Variants in ATP2B2 observed in about 807,000 individuals in gnomAD.
ATP2B2 encodes the protein plasma membrane calcium-transporting ATPase 2.
ATP2B2 carries 15 observed loss-of-function variants against 120.0 expected under a neutral mutation model. That is an observed-to-expected ratio of 0.12 (90% CI 0.08 to 0.19). The LOEUF (loss-of-function observed/expected upper bound fraction) is 0.19. Ranked by LOEUF, ATP2B2 falls within the 10% of genes least tolerant of loss-of-function variation. The pLI is 1.00. For missense variants in ATP2B2, 1,045 were observed against 1,719.8 expected, an observed-to-expected ratio of 0.61 and a Z score of 6.94; for synonymous variants, 694 against 700.3, an observed-to-expected ratio of 0.99 and a Z score of 0.14.
intron 11 of ATP2B2, among the ~76,000 whole-genome samples, chr3:10,373,515 G>T (rs186364769): frequency 6.6e-6 from 1 of 152,202 alleles, no homozygotes; most frequent in Non-Finnish European, 1.5e-5. Context: ...GAAATGTGCT[G>T]TGAGTGCAAA....
intron 1 of ATP2B2, among the ~76,000 whole-genome samples, chr3:10,686,420 C>A (rs562674266): frequency 2.6e-5 from 4 of 152,024 alleles, no homozygotes; most frequent in Admixed American, 2.6e-4. Flanking sequence ...TTTGGGAGGC[C>A]GAGGCGGGCG....
At chr3:10,385,457 A>G in intron 7 of ATP2B2, 130 bp from the exon 8 acceptor site, 1 of 779,048 alleles carries the variant, frequency 1.3e-6, no homozygotes, top group Non-Finnish European at 2.1e-6. Flanking sequence ...TCCTTTGGAA[A>G]CCAAGAAACT....
At chr3:10,701,880 T>C (rs1380538523) in intron 1 of ATP2B2, among the ~76,000 whole-genome samples, 1 of 152,186 alleles carries the variant, frequency 6.6e-6, no homozygotes, top group East Asian at 1.9e-4. Context: ...ATACAAATTT[T>C]TTTTTTTGAA....
chr3:10,584,979 G>A (rs34773026), intron 2 of ATP2B2, among the ~76,000 whole-genome samples: 36,007 of 152,026 alleles, frequency 0.24, 5,010 homozygotes, highest in East Asian at 0.49. Context: ...TCTTGCTGGT[G>A]CTGTCTCCAA....
chr3:10,606,569 G>C (rs777842967), intron 2 of ATP2B2, among the ~76,000 whole-genome samples: 1 of 152,170 alleles, frequency 6.6e-6, no homozygotes, highest in Non-Finnish European at 1.5e-5. Flanking sequence ...CCCTTACTTA[G>C]TTAACTCTGG....
In ATP2B2 at chr3:10,358,935, G is replaced by T. The variant is rs1240502887; in HGVS notation, c.1902-10C>A. The stretch of plus-strand genomic sequence containing the variant: ...GAGGATTTTGCAGCACCTAGGGGAG[G>T]ATGGAAGGGAGATGGGGAGCCCAGG... On this transcript the variant is annotated splice_polypyrimidine_tract_variant and intron_variant, in intron 13 of 22. Coordinates refer to ENST00000360273, the MANE Select transcript of ATP2B2 (RefSeq NM_001001331.4). The T allele has an allele frequency of 6.2e-7, 1 of 1,612,682 alleles. No homozygotes were observed. Among genetic ancestry groups the T allele is most frequent in the Admixed American group, 1.7e-5 (1 of 60,022 alleles).
intron 1 of ATP2B2, among the ~76,000 whole-genome samples, chr3:10,690,432 A>ATATCTATC (rs58646066): frequency 0.033 from 4,892 of 148,870 alleles, 68 homozygotes; most frequent in East Asian, 0.035. Flanking sequence ...ATCTATATCT[A>ATATCTATC]TATCTATCTA....
intron 21 of ATP2B2, among the ~76,000 whole-genome samples, chr3:10,339,522 C>G (rs2060217354): frequency 6.6e-6 from 1 of 152,180 alleles, no homozygotes; most frequent in Non-Finnish European, 1.5e-5. Context: ...GCTGCATGCT[C>G]TCAGAGCTGT....
intron 1 of ATP2B2, among the ~76,000 whole-genome samples, chr3:10,621,976 G>A (rs1269656274): frequency 6.6e-6 from 1 of 152,228 alleles, no homozygotes; most frequent in East Asian, 1.9e-4. Context: ...CACGGTCATT[G>A]AGACACCCTC....
At chr3:10,512,468 A>G (rs5021744) in intron 3 of ATP2B2, among the ~76,000 whole-genome samples, 8,660 of 32,612 alleles carry the variant, frequency 0.27, 384 homozygotes, top group African/African-American at 0.41. Flanking sequence ...GTGTGCGCAC[A>G]CACACACACA....
intron 2 of ATP2B2, among the ~76,000 whole-genome samples, chr3:10,546,685 A>G (rs754354): frequency 0.5 from 75,733 of 151,976 alleles, 19,188 homozygotes; most frequent in East Asian, 0.62. Context: ...CCACCACCAT[A>G]TATTCATCTT....
At chr3:10,585,488 C>T (rs1013291062) in intron 2 of ATP2B2, among the ~76,000 whole-genome samples, 62 of 48,982 alleles carry the variant, frequency 1.3e-3, no homozygotes, top group African/African-American at 6.3e-3. Context: ...AGCGAGACTC[C>T]GTCTGAAAAA....
intron 1 of ATP2B2, among the ~76,000 whole-genome samples, chr3:10,485,084 G>T (rs991410080): frequency 5.3e-5 from 8 of 152,214 alleles, no homozygotes; most frequent in African/African-American, 1.9e-4. Context: ...GAAGGGGTGT[G>T]AGAGGAGGGA....
intron 2 of ATP2B2, among the ~76,000 whole-genome samples, chr3:10,585,792 T>C (rs923941704): frequency 1.3e-5 from 2 of 152,134 alleles, no homozygotes; most frequent in African/African-American, 4.8e-5. Context: ...TCCCTAATGC[T>C]TTTCCCCTCG....
chr3:10,707,875 G>A (rs1439259382), intron 1 of ATP2B2: 1 of 152,618 alleles, frequency 6.6e-6, no homozygotes, highest in Non-Finnish European at 1.5e-5. Flanking sequence ...AGCGAGAGGG[G>A]AAGAGGCCCA....
intron 1 of ATP2B2, among the ~76,000 whole-genome samples, chr3:10,483,857 G>A (rs544579106): frequency 1.4e-4 from 22 of 152,360 alleles, no homozygotes; most frequent in Admixed American, 1.2e-3. Flanking sequence ...GAAGGACTTG[G>A]GGGCCGGTGC....
intron 1 of ATP2B2, among the ~76,000 whole-genome samples, chr3:10,456,180 C>A (rs2064252718): frequency 6.6e-6 from 1 of 152,178 alleles, no homozygotes; most frequent in Non-Finnish European, 1.5e-5. Flanking sequence ...AACAAATCCC[C>A]AAACCAACAG....
chr3:10,482,480 A>G (rs1325484835), intron 1 of ATP2B2, among the ~76,000 whole-genome samples: 1 of 152,222 alleles, frequency 6.6e-6, no homozygotes, highest in Non-Finnish European at 1.5e-5. Flanking sequence ...GTGTGTGAGC[A>G]ATGGCCTAAG....
intron 1 of ATP2B2, among the ~76,000 whole-genome samples, chr3:10,683,689 C>T (rs932900993): frequency 3.5e-5 from 5 of 141,816 alleles, no homozygotes; most frequent in Admixed American, 7.1e-5. Flanking sequence ...TATATATATA[C>T]ACATATGTAT....
Sources: allele counts gnomAD v4.1 joint callset (sites outside exome capture counted in the v4.1 genomes callset), GRCh38; gene constraint gnomAD v4.1.1; transcripts MANE v1.5; gene names NCBI Gene and HGNC (gene_info 2026-07-23, HGNC 2026-07-21).